The following NOL4 variants were observed in gnomAD, a reference collection of about 807,000 sequenced individuals.
NOL4 encodes cancer/testis antigen 125.
NOL4 carries 17 observed loss-of-function variants against 75.9 expected under a neutral mutation model. That is an observed-to-expected ratio of 0.22 (90% CI 0.15 to 0.34). NOL4 has a LOEUF of 0.34. Ranked by LOEUF, NOL4 falls within the 10% of genes least tolerant of loss-of-function variation. The pLI is 1.00. For synonymous variants in NOL4, 292 were observed against 289.9 expected (o/e 1.01, Z -0.07); for missense variants, 614 against 793.5 (o/e 0.77, Z 2.72).
chr18:33,991,744 A>T (rs1739768460), intron 6 of NOL4, among the ~76,000 whole-genome samples: 1 of 151,994 alleles, frequency 6.6e-6, no homozygotes, highest in Non-Finnish European at 1.5e-5. Flanking sequence ...TTTGTTCTTG[A>T]GTCATACTAA....
At chr18:34,024,194 A>AAAAAAAAATATATATATATATATATATAT in intron 5 of NOL4, among the ~76,000 whole-genome samples, 1 of 70,684 alleles carries the variant, frequency 1.4e-5, no homozygotes, top group African/African-American at 5.3e-5. Context: ...AAAAAAAAAA[A>AAAAAAAAATATATATATATATATATATAT]ATATATATAT....
chr18:34,108,294 G>T (rs1022900331), intron 2 of NOL4, among the ~76,000 whole-genome samples: 1 of 151,900 alleles, frequency 6.6e-6, no homozygotes, highest in Non-Finnish European at 1.5e-5. Flanking sequence ...AGGAAGAAAA[G>T]AAAAATAGTC....
intron 6 of NOL4, among the ~76,000 whole-genome samples, chr18:33,969,802 T>G (rs960518136): frequency 2.0e-5 from 3 of 151,960 alleles, no homozygotes; most frequent in African/African-American, 7.2e-5. Context: ...CTTTGAAGAT[T>G]CCCATGAAAT....
At chr18:33,858,598 C>T (rs139491324) in intron 10 of NOL4, among the ~76,000 whole-genome samples, 3 of 152,068 alleles carry the variant, frequency 2.0e-5, no homozygotes, top group African/African-American at 7.2e-5. Flanking sequence ...TAATGAATTT[C>T]ATTTATATTC....
At position 33,888,291 on chromosome 18, in the gene NOL4, G is replaced by T. The variant is rs191045392; in HGVS notation, c.1543-4867C>A. ...GTTGCTTTTTTCTTGTAAATTTGTT[G>T]GAGTTCATTGTAGATTCTGGATAAT... On this transcript the variant is annotated intron_variant, in intron 9 of 10. Coordinates refer to ENST00000261592, the MANE Select transcript of NOL4 (RefSeq NM_003787.5). 6.8e-3 allele frequency among the ~76,000 whole-genome samples: 1,037 copies of T among 152,054 alleles called. 8 individuals are homozygous for T. Among genetic ancestry groups the T allele is most frequent in the Non-Finnish European group, 9.4e-3 (642 of 67,960 alleles).
chr18:34,148,201 G>A (rs1353058657), intron 1 of NOL4, among the ~76,000 whole-genome samples: 2 of 151,910 alleles, frequency 1.3e-5, no homozygotes, highest in African/African-American at 4.8e-5. Flanking sequence ...GGGTTTCCTT[G>A]TCTCTATCTC....
intron 9 of NOL4, among the ~76,000 whole-genome samples, chr18:33,907,183 C>T (rs183407281): frequency 5.3e-5 from 8 of 151,918 alleles, no homozygotes; most frequent in Non-Finnish European, 8.8e-5. Flanking sequence ...ATTAGCTAGA[C>T]GTGGTGGTTG....
chr18:33,896,498 T>C (rs929472180), intron 9 of NOL4, among the ~76,000 whole-genome samples: 1 of 152,104 alleles, frequency 6.6e-6, no homozygotes, highest in African/African-American at 2.4e-5. Flanking sequence ...CCATCTGATC[T>C]TCAACAAAGC....
At chr18:33,948,080 A>T (rs896654) in intron 8 of NOL4, among the ~76,000 whole-genome samples, 52,967 of 151,632 alleles carry the variant, frequency 0.35, 9,704 homozygotes, top group Non-Finnish European at 0.41. Flanking sequence ...ATTACAAAAA[A>T]GTACAAAGAA....
intron 9 of NOL4, among the ~76,000 whole-genome samples, chr18:33,894,147 A>G (rs1049231762): frequency 6.6e-6 from 1 of 152,120 alleles, no homozygotes; most frequent in Admixed American, 6.6e-5. Context: ...CTTGCATTTG[A>G]TAGCAAGTGT....
intron 2 of NOL4, among the ~76,000 whole-genome samples, chr18:34,108,605 G>T (rs1451034623): frequency 6.6e-6 from 1 of 152,010 alleles, no homozygotes; most frequent in Admixed American, 6.6e-5. Flanking sequence ...GGCAATGAAG[G>T]TCGTTAAATA....
chr18:33,872,580 T>C (rs993383164), intron 10 of NOL4, among the ~76,000 whole-genome samples: 1 of 151,916 alleles, frequency 6.6e-6, no homozygotes, highest in Non-Finnish European at 1.5e-5. Context: ...TGCAATAATG[T>C]GAATAAGGTG....
chr18:33,998,738 A>G (rs970340675), intron 6 of NOL4, among the ~76,000 whole-genome samples: 6 of 152,116 alleles, frequency 3.9e-5, no homozygotes, highest in African/African-American at 1.4e-4. Context: ...TGTTCAATCA[A>G]TGTTTGCTTG....
chr18:34,008,407 A>ATCTG (rs1451052811), intron 6 of NOL4, among the ~76,000 whole-genome samples: 2 of 148,734 alleles, frequency 1.3e-5, no homozygotes, highest in African/African-American at 4.9e-5. Flanking sequence ...CTATCTATCT[A>ATCTG]TCTATCCTAT....
At chr18:34,108,801 A>C (rs1018018393) in intron 2 of NOL4, among the ~76,000 whole-genome samples, 2 of 152,182 alleles carry the variant, frequency 1.3e-5, no homozygotes, top group Non-Finnish European at 2.9e-5. Context: ...ATAGAAAATG[A>C]ATAAGGAAAC....
At chr18:33,926,939 A>G (rs1297194065) in intron 9 of NOL4, among the ~76,000 whole-genome samples, 1 of 152,118 alleles carries the variant, frequency 6.6e-6, no homozygotes, top group Non-Finnish European at 1.5e-5. Flanking sequence ...ACATTGAACT[A>G]TAGTATTTTA....
intron 1 of NOL4, 24 bp downstream of exon 1, chr18:34,222,966 A>G: frequency 6.2e-7 from 1 of 1,600,664 alleles, no homozygotes; most frequent in Non-Finnish European, 8.5e-7. Flanking sequence ...GCAGACAAAT[A>G]ACAGAGGAAG....
intron 6 of NOL4, among the ~76,000 whole-genome samples, chr18:34,016,005 G>C (rs1001546805): frequency 1.3e-5 from 2 of 152,004 alleles, no homozygotes; most frequent in African/African-American, 4.8e-5. Flanking sequence ...AGTGGACAAG[G>C]TAAACATCAT....
At chr18:33,926,683 C>T (rs1195123001) in intron 9 of NOL4, among the ~76,000 whole-genome samples, 1 of 151,006 alleles carries the variant, frequency 6.6e-6, no homozygotes, top group South Asian at 2.1e-4. Context: ...TCACTGCAAC[C>T]TCTCACTCCC....
Sources: allele counts gnomAD v4.1 joint callset (sites outside exome capture counted in the v4.1 genomes callset), GRCh38; gene constraint gnomAD v4.1.1; transcripts MANE v1.5; gene names NCBI Gene and HGNC (gene_info 2026-07-23, HGNC 2026-07-21).